MAP2K1: variants seen among roughly 807,000 people sequenced by gnomAD.
The protein encoded by MAP2K1 is dual specificity mitogen-activated protein kinase kinase 1.
A neutral mutation model predicts 46.3 loss-of-function variants in MAP2K1; 16 were observed. That is an observed-to-expected ratio of 0.35 (90% CI 0.23 to 0.52). The LOEUF is 0.52. MAP2K1 is among the 20% of genes least tolerant of loss of function. The pLI, the probability that MAP2K1 is intolerant of heterozygous loss-of-function variation, is 0.94. For missense variants in MAP2K1, 263 were observed against 497.1 expected, an observed-to-expected ratio of 0.53 and a Z score of 4.48; for synonymous variants, 183 against 185.6, an observed-to-expected ratio of 0.99 and a Z score of 0.11.
intron 1 of MAP2K1, among the ~76,000 whole-genome samples, chr15:66,393,558 G>T (rs966252352): frequency 1.3e-5 from 2 of 152,076 alleles, no homozygotes; most frequent in African/African-American, 4.8e-5. Flanking sequence ...CTTTTTCTTT[G>T]ACCTTGGGCA....
At chr15:66,452,683 C>T (rs952679466) in intron 5 of MAP2K1, among the ~76,000 whole-genome samples, 10 of 152,128 alleles carry the variant, frequency 6.6e-5, no homozygotes, top group African/African-American at 1.9e-4. Context: ...GTGGAGTCCG[C>T]CTGCCTACTC....
intron 5 of MAP2K1, among the ~76,000 whole-genome samples, chr15:66,449,791 G>T (rs1266860408): frequency 1.3e-5 from 2 of 152,136 alleles, no homozygotes; most frequent in African/African-American, 4.8e-5. Flanking sequence ...TGAGGCAGGA[G>T]AATGGCTTGA....
intron 1 of MAP2K1, among the ~76,000 whole-genome samples, chr15:66,430,936 T>G (rs34874406): frequency 6.6e-6 from 1 of 152,160 alleles, no homozygotes; most frequent in Non-Finnish European, 1.5e-5. Context: ...ATTCAAACCT[T>G]TAATCTTCTT....
intron 1 of MAP2K1, among the ~76,000 whole-genome samples, chr15:66,432,399 A>G (rs1487541980): frequency 2.0e-5 from 3 of 152,240 alleles, no homozygotes; most frequent in Non-Finnish European, 2.9e-5. Context: ...TTCCTCCAGA[A>G]GGTGTAAGAA....
intron 1 of MAP2K1, among the ~76,000 whole-genome samples, chr15:66,391,457 T>G (rs1263142601): frequency 1.3e-5 from 2 of 152,146 alleles, no homozygotes. Context: ...TCCAGCTAAT[T>G]TTTTGTATTT....
chr15:66,411,886 A>G (rs2093412163), intron 1 of MAP2K1, among the ~76,000 whole-genome samples: 1 of 152,216 alleles, frequency 6.6e-6, no homozygotes, highest in South Asian at 2.1e-4. Context: ...GATACAGGAC[A>G]AGAGTGTGCT....
chr15:66,467,353 C>G (rs2140642691), intron 5 of MAP2K1, among the ~76,000 whole-genome samples: 1 of 152,276 alleles, frequency 6.6e-6, no homozygotes. Flanking sequence ...CATTCCTGGG[C>G]ATAGACAGAA....
chr15:66,421,093 TA>T lies in MAP2K1; in HGVS notation c.81-13933del, dbSNP rs1192938694. Among the ~76,000 whole-genome samples the T allele has an allele frequency of 1.5e-3, 194 of 128,846 alleles. 2 individuals are homozygous for T. The highest frequency in any genetic ancestry group is 5.5e-3 in the African/African-American group (187 of 34,030). The allele number at this position is 128,846 out of a possible 152,430, so 84.5% of individuals were successfully genotyped here. ...ACACATATATACACATACACACACATACACACACACACACACACACACACAC... is the reference window on the plus strand; with the variant it reads ...ACACATATATACACATACACACACATCACACACACACACACACACACACAC... On this transcript the variant is annotated intron_variant, in intron 1 of 10. Coordinates refer to ENST00000307102, the MANE Select transcript of MAP2K1 (RefSeq NM_002755.4).
chr15:66,402,155 G>C (rs1224631244), intron 1 of MAP2K1, among the ~76,000 whole-genome samples: 1 of 152,150 alleles, frequency 6.6e-6, no homozygotes. Context: ...ATTCAAAAGC[G>C]TGTTTTTTGA....
At chr15:66,432,057 G>A (rs1243880818) in intron 1 of MAP2K1, among the ~76,000 whole-genome samples, 1 of 152,190 alleles carries the variant, frequency 6.6e-6, no homozygotes, top group African/African-American at 2.4e-5. Flanking sequence ...AGTATTCCAT[G>A]ATATATAGAG....
At chr15:66,431,310 C>G (rs1240260671) in intron 1 of MAP2K1, among the ~76,000 whole-genome samples, 3 of 152,128 alleles carry the variant, frequency 2.0e-5, no homozygotes, top group African/African-American at 7.2e-5. Context: ...AGAAATTAGC[C>G]TTGTTGAACT....
At chr15:66,412,922 GTCTC>G (rs1169932988) in intron 1 of MAP2K1, among the ~76,000 whole-genome samples, 1 of 151,814 alleles carries the variant, frequency 6.6e-6, no homozygotes, top group Non-Finnish European at 1.5e-5. Flanking sequence ...TTTTGACACA[GTCTC>G]TCTCTGTCGC....
intron 5 of MAP2K1, among the ~76,000 whole-genome samples, chr15:66,480,798 T>C (rs565535886): frequency 8.5e-5 from 13 of 152,166 alleles, no homozygotes; most frequent in African/African-American, 3.1e-4. Flanking sequence ...TCAAAGTGAG[T>C]GTCATTGTTT....
At chr15:66,468,721 A>G (rs1449965985) in intron 5 of MAP2K1, among the ~76,000 whole-genome samples, 1 of 152,130 alleles carries the variant, frequency 6.6e-6, no homozygotes, top group East Asian at 1.9e-4. Flanking sequence ...TCACGAGGTC[A>G]GGAGTTCAAG....
At chr15:66,401,995 C>T (rs2140526580) in intron 1 of MAP2K1, 1 of 1,338,026 alleles carries the variant, frequency 7.5e-7, no homozygotes, top group Non-Finnish European at 9.8e-7. Context: ...TTTGAAAAAT[C>T]ACATGCAAAT....
intron 1 of MAP2K1, chr15:66,414,873 C>G (rs1462519236): frequency 3.4e-6 from 1 of 298,442 alleles, no homozygotes; most frequent in African/African-American, 2.3e-5. Context: ...GACTGTGTTC[C>G]TTATGGAGGG....
At chr15:66,433,232 A>G (rs2093479297) in intron 1 of MAP2K1, among the ~76,000 whole-genome samples, 1 of 152,234 alleles carries the variant, frequency 6.6e-6, no homozygotes, top group Admixed American at 6.5e-5. Context: ...GACTGGGGAC[A>G]CTGCAAGACA....
intron 1 of MAP2K1, among the ~76,000 whole-genome samples, chr15:66,397,162 G>A (rs1275823016): frequency 1.3e-5 from 2 of 151,340 alleles, no homozygotes; most frequent in Non-Finnish European, 2.9e-5. Context: ...CTGCCACCAC[G>A]CCCGGCTAAT....
At chr15:66,395,524 A>G (rs1595836601) in intron 1 of MAP2K1, among the ~76,000 whole-genome samples, 1 of 148,446 alleles carries the variant, frequency 6.7e-6, no homozygotes, top group African/African-American at 2.5e-5. Context: ...GGTCTTGCTG[A>G]CATGGTTTTT....
Sources: gnomAD v4.1 joint callset for allele counts (sites outside exome capture counted in the v4.1 genomes callset) on GRCh38, gnomAD v4.1.1 for gene constraint, MANE v1.5 for transcripts, NCBI Gene and HGNC (gene_info 2026-07-23, HGNC 2026-07-21) for gene names.